Variants in TMEM135 observed in about 807,000 individuals in gnomAD.
TMEM135 encodes peroxisomal membrane protein 52.
In TMEM135, 30 loss-of-function variants were observed where a neutral mutation model predicts 60.3. The observed-to-expected ratio is 0.50, with a 90% CI of 0.37 to 0.68. TMEM135 has a LOEUF of 0.68. Among genes scored for constraint, TMEM135 ranks in the 30% least tolerant of loss-of-function variants. TMEM135 has a pLI of 0.00. For missense variants in TMEM135, 468 were observed against 548.8 expected (o/e 0.85, Z 1.47); for synonymous variants, 190 against 186.7 (o/e 1.02, Z -0.14).
chr11:87,165,693 G>A (rs534848028), intron 5 of TMEM135, among the ~76,000 whole-genome samples: 19 of 151,524 alleles, frequency 1.3e-4, no homozygotes, highest in African/African-American at 4.1e-4. Flanking sequence ...AGAAAAGCAA[G>A]AGCAAATACA....
At chr11:87,310,157 C>A (rs1942617006) in intron 10 of TMEM135, among the ~76,000 whole-genome samples, 1 of 151,120 alleles carries the variant, frequency 6.6e-6, no homozygotes, top group Admixed American at 6.6e-5. Flanking sequence ...TTCTTCCACC[C>A]ACTCACAGTT....
At chr11:87,091,422 G>A in intron 4 of TMEM135, 27 bp downstream of exon 4, 1 of 1,607,640 alleles carries the variant, frequency 6.2e-7, no homozygotes, top group South Asian at 1.1e-5. Flanking sequence ...AACCTTTGAT[G>A]TCTTCCCATA....
intron 1 of TMEM135, 62 bp downstream of exon 1, chr11:87,038,248 G>A: frequency 6.2e-7 from 1 of 1,607,134 alleles, no homozygotes; most frequent in Non-Finnish European, 8.5e-7. Context: ...GGGGGCTGCA[G>A]TTGGTGCTCC....
At chr11:87,073,651 AT>A (rs1565429456) in intron 3 of TMEM135, among the ~76,000 whole-genome samples, 1 of 151,976 alleles carries the variant, frequency 6.6e-6, no homozygotes, top group Non-Finnish European at 1.5e-5. Flanking sequence ...ATGATAATCT[AT>A]TTGTAGGATT....
intron 7 of TMEM135, among the ~76,000 whole-genome samples, chr11:87,297,382 C>A (rs1262508225): frequency 1.3e-5 from 2 of 152,078 alleles, no homozygotes; most frequent in African/African-American, 4.8e-5. Context: ...TCTGTGGGAA[C>A]AATAACTTTC....
At chr11:87,125,809 C>G (rs1004434099) in intron 4 of TMEM135, among the ~76,000 whole-genome samples, 2 of 152,166 alleles carry the variant, frequency 1.3e-5, no homozygotes, top group African/African-American at 4.8e-5. Context: ...ACTACTGCAT[C>G]AAATTATAAG....
rs191026953 is a variant in TMEM135, at chr11:87,278,395, G to C, written c.510-17387G>C. On this transcript the variant is annotated intron_variant, in intron 6 of 14. Coordinates refer to ENST00000305494, the MANE Select transcript of TMEM135 (RefSeq NM_022918.4). ...AAATTTTCGTTCTTTTTTTTTTTTT[G>C]AGACAGAGTCTCACTCTGTCACCCA... Among the ~76,000 whole-genome samples, 11 of 78,226 alleles carry C rather than the reference G, an allele frequency of 1.4e-4. No individual in the cohort carries two copies. In the East Asian group the frequency reaches 3.3e-3, roughly 23 times the overall value. 51.3% of individuals were successfully genotyped at this position (78,226 alleles called of 152,430 possible). A position where few individuals can be genotyped will look rare whatever the true frequency, so the allele number is the denominator to read the frequency against.
intron 7 of TMEM135, among the ~76,000 whole-genome samples, chr11:87,299,737 A>G (rs951992188): frequency 1.3e-5 from 2 of 152,198 alleles, no homozygotes; most frequent in Non-Finnish European, 2.9e-5. Flanking sequence ...AAATGTTGCA[A>G]AAGAGAAGTG....
At chr11:87,108,291 C>A (rs2135194565) in intron 4 of TMEM135, among the ~76,000 whole-genome samples, 1 of 152,184 alleles carries the variant, frequency 6.6e-6, no homozygotes, top group Non-Finnish European at 1.5e-5. Flanking sequence ...TTAATTTTGG[C>A]TTTTGTTGCC....
chr11:87,149,149 A>G (rs1938488937), intron 4 of TMEM135, among the ~76,000 whole-genome samples: 1 of 152,138 alleles, frequency 6.6e-6, no homozygotes, highest in South Asian at 2.1e-4. Flanking sequence ...TATAAATTAC[A>G]TGCTGTATTT....
chr11:87,142,984 G>T (rs1219239844), intron 4 of TMEM135, among the ~76,000 whole-genome samples: 1 of 150,724 alleles, frequency 6.6e-6, no homozygotes, highest in Admixed American at 6.6e-5. Context: ...CTTGGTCTCT[G>T]AGTCTTTCAT....
intron 5 of TMEM135, among the ~76,000 whole-genome samples, chr11:87,203,367 TA>T (rs1940163437): frequency 6.6e-6 from 1 of 152,166 alleles, no homozygotes; most frequent in Non-Finnish European, 1.5e-5. Flanking sequence ...ATTCATCCTT[TA>T]ACCCCCTGAA....
rs1330035346 is a variant in TMEM135 at position 87,322,035 on chromosome 11, G to C, written c.*702G>C. On this transcript the variant is annotated 3_prime_UTR_variant, in exon 15 of 15. Coordinates refer to ENST00000305494, the MANE Select transcript of TMEM135 (RefSeq NM_022918.4). ...CAGTGAACCTATGTACTAATGGCAA[G>C]TTAGGGGCAAATGGAAATGGACACA... The C allele has an allele frequency of 2.2e-6, 1 of 454,316 alleles. No homozygotes were observed. Among genetic ancestry groups the C allele is most frequent in the Non-Finnish European group, 4.4e-6 (1 of 226,756 alleles). The allele number at this position is 454,316 out of a possible 1,614,324, so 28.1% of individuals were successfully genotyped here. A position where few individuals can be genotyped will look rare whatever the true frequency, so the allele number is the denominator to read the frequency against.
chr11:87,282,345 A>G (rs1487645743), intron 6 of TMEM135, among the ~76,000 whole-genome samples: 1 of 151,506 alleles, frequency 6.6e-6, no homozygotes, highest in African/African-American at 2.4e-5. Context: ...GCTCACTGCA[A>G]CCTCCGCCTC....
chr11:87,228,770 A>G (rs965488823), intron 5 of TMEM135, among the ~76,000 whole-genome samples: 1 of 152,220 alleles, frequency 6.6e-6, no homozygotes, highest in Non-Finnish European at 1.5e-5. Flanking sequence ...AGAATTTAAA[A>G]TGGATATATG....
chr11:87,210,511 A>C (rs965927107), intron 5 of TMEM135, among the ~76,000 whole-genome samples: 1 of 152,146 alleles, frequency 6.6e-6, no homozygotes, highest in Non-Finnish European at 1.5e-5. Flanking sequence ...CCCAAAATTG[A>C]ATCAGTAATA....
At chr11:87,155,159 C>T (rs4943975) in intron 4 of TMEM135, among the ~76,000 whole-genome samples, 5,782 of 152,162 alleles carry the variant, frequency 0.038, 337 homozygotes, top group African/African-American at 0.13. Flanking sequence ...CCACCAAGCC[C>T]AGCTAATTTA....
chr11:87,118,149 C>T (rs535364308), intron 4 of TMEM135, among the ~76,000 whole-genome samples: 56 of 152,074 alleles, frequency 3.7e-4, no homozygotes, highest in South Asian at 2.3e-3. Context: ...GCTATAAACA[C>T]GTGTGCTTTG....
intron 6 of TMEM135, among the ~76,000 whole-genome samples, chr11:87,276,062 T>G (rs888281712): frequency 2.6e-5 from 4 of 152,192 alleles, no homozygotes; most frequent in African/African-American, 9.7e-5. Context: ...TTTTTTGCAT[T>G]TTAAAATCAG....
Sources: gnomAD v4.1 joint callset for allele counts (sites outside exome capture counted in the v4.1 genomes callset) on GRCh38, gnomAD v4.1.1 for gene constraint, MANE v1.5 for transcripts, NCBI Gene and HGNC (gene_info 2026-07-23, HGNC 2026-07-21) for gene names.